Variants in SLIT3 observed in about 807,000 individuals in gnomAD.
SLIT3 encodes the protein slit homolog 3 protein.
Under a neutral mutation model 184.0 loss-of-function variants are expected in SLIT3, and 68 were observed. The observed-to-expected ratio is 0.37, with a 90% CI of 0.30 to 0.45. SLIT3 has a LOEUF of 0.45. Ranked by LOEUF, SLIT3 falls within the 20% of genes least tolerant of loss-of-function variation. The pLI is 1.00. For synonymous variants in SLIT3, 831 were observed against 828.6 expected, an observed-to-expected ratio of 1.00 and a Z score of -0.05; for missense variants, 1,707 against 2,026.0, an observed-to-expected ratio of 0.84 and a Z score of 3.02.
chr5:168,898,607 C>T (rs1467538521), intron 4 of SLIT3, among the ~76,000 whole-genome samples: 2 of 151,988 alleles, frequency 1.3e-5, no homozygotes, highest in South Asian at 2.1e-4. Flanking sequence ...TCAAATAAAT[C>T]GTGAAAAGGG....
chr5:169,217,166 C>A (rs900854422), intron 3 of SLIT3, among the ~76,000 whole-genome samples: 1 of 151,350 alleles, frequency 6.6e-6, no homozygotes, highest in African/African-American at 2.4e-5. Context: ...AGACTTTCTA[C>A]CCTTCCCCCA....
At chr5:169,201,696 C>G (rs753203996) in intron 3 of SLIT3, among the ~76,000 whole-genome samples, 3 of 152,138 alleles carry the variant, frequency 2.0e-5, no homozygotes, top group African/African-American at 7.2e-5. Context: ...GGTATGATAC[C>G]TTAGAGAACA....
chr5:168,904,345 A>G (rs1760972394), intron 4 of SLIT3, among the ~76,000 whole-genome samples: 1 of 152,188 alleles, frequency 6.6e-6, no homozygotes, highest in South Asian at 2.1e-4. Flanking sequence ...AATAAACCAA[A>G]TAGACTAATT....
intron 34 of SLIT3, 88 bp from the exon 35 acceptor site, chr5:168,670,079 G>A: frequency 9.1e-7 from 1 of 1,104,924 alleles, no homozygotes; most frequent in South Asian, 1.3e-5. Context: ...AGGGACCAGG[G>A]GACCCGGAGC....
chr5:168,779,211 C>A (rs944028086), intron 12 of SLIT3, among the ~76,000 whole-genome samples: 1 of 152,176 alleles, frequency 6.6e-6, no homozygotes. Context: ...TTTGGACTCA[C>A]GACATCATAG....
chr5:168,936,189 G>T (rs888761264), intron 4 of SLIT3, among the ~76,000 whole-genome samples: 1 of 152,140 alleles, frequency 6.6e-6, no homozygotes, highest in African/African-American at 2.4e-5. Flanking sequence ...CATCCACTGG[G>T]CCAAGACCAA....
intron 20 of SLIT3, among the ~76,000 whole-genome samples, chr5:168,732,229 C>A (rs989737757): frequency 6.6e-6 from 1 of 151,590 alleles, no homozygotes; most frequent in South Asian, 2.1e-4. Flanking sequence ...AAAACAAAAA[C>A]AAAACCCTAG....
rs528155993 is a variant in SLIT3, at chr5:168,666,013, C to A, written c.*441G>T. Reference sequence around the variant, plus strand: ...TCCTTTTTCTGATCTCAATGAGCAGCTCTTGGTCTACTGCCGACATAATAC... The same window carrying A: ...TCCTTTTTCTGATCTCAATGAGCAGATCTTGGTCTACTGCCGACATAATAC... On this transcript the variant is annotated 3_prime_UTR_variant, in exon 36 of 36. Transcript: ENST00000519560. 6.5e-6 allele frequency: 1 copy of A among 152,952 alleles called. No individual in the cohort carries two copies. Among genetic ancestry groups the A allele is most frequent in the South Asian group, 2.1e-4 (1 of 4,838 alleles). The allele number at this position is 152,952 out of a possible 1,614,324, so 9.5% of individuals were successfully genotyped here.
intron 4 of SLIT3, among the ~76,000 whole-genome samples, chr5:169,080,852 T>A (rs1339638593): frequency 6.6e-6 from 1 of 152,136 alleles, no homozygotes; most frequent in Non-Finnish European, 1.5e-5. Flanking sequence ...GAACCACTGC[T>A]CTGGAGAGCA....
chr5:168,913,504 A>G (rs1482198082), intron 4 of SLIT3, among the ~76,000 whole-genome samples: 1 of 152,186 alleles, frequency 6.6e-6, no homozygotes, highest in African/African-American at 2.4e-5. Flanking sequence ...ATAGTGGCTC[A>G]TGCCTGTAGT....
chr5:168,833,098 A>C (rs1209152859), intron 6 of SLIT3, among the ~76,000 whole-genome samples: 2 of 152,196 alleles, frequency 1.3e-5, no homozygotes, highest in African/African-American at 2.4e-5. Flanking sequence ...CTTGGGGACA[A>C]AGAGCCCTGA....
intron 14 of SLIT3, among the ~76,000 whole-genome samples, chr5:168,765,030 T>C (rs769043904): frequency 6.6e-6 from 1 of 152,168 alleles, no homozygotes; most frequent in Non-Finnish European, 1.5e-5. Flanking sequence ...TGCACACACA[T>C]ACAGAGATTT....
intron 4 of SLIT3, chr5:169,030,455 A>G (rs1275362434): frequency 6.6e-6 from 1 of 152,194 alleles, no homozygotes; most frequent in Non-Finnish European, 1.5e-5. Context: ...ATGGATGACA[A>G]GGTAGGTTCA....
intron 23 of SLIT3, among the ~76,000 whole-genome samples, chr5:168,716,142 AT>A (rs1026837221): frequency 6.6e-6 from 1 of 152,000 alleles, no homozygotes; most frequent in Non-Finnish European, 1.5e-5. Context: ...TAATTTTTGT[AT>A]TTTTTTAAAT....
At chr5:168,901,570 T>C (rs1760874968) in intron 4 of SLIT3, among the ~76,000 whole-genome samples, 1 of 152,310 alleles carries the variant, frequency 6.6e-6, no homozygotes, top group Middle Eastern at 3.4e-3. Context: ...AAAGGAAGCA[T>C]CTTTTTTTCA....
At chr5:168,750,954 T>A (rs551450579) in intron 18 of SLIT3, among the ~76,000 whole-genome samples, 15 of 151,356 alleles carry the variant, frequency 9.9e-5, no homozygotes, top group Admixed American at 9.9e-4. Flanking sequence ...TTTGTAATAT[T>A]AAGGGGCAGG....
chr5:168,682,000 A>G (rs1311620041), intron 32 of SLIT3, among the ~76,000 whole-genome samples: 1 of 152,210 alleles, frequency 6.6e-6, no homozygotes, highest in Non-Finnish European at 1.5e-5. Context: ...ACTTGTTCAC[A>G]TCTGGATTTA....
At chr5:168,870,173 T>C (rs186186103) in intron 5 of SLIT3, among the ~76,000 whole-genome samples, 92 of 152,388 alleles carry the variant, frequency 6.0e-4, no homozygotes, top group Middle Eastern at 3.4e-3. Flanking sequence ...AAGCAACTTA[T>C]TTATTCATCT....
intron 4 of SLIT3, among the ~76,000 whole-genome samples, chr5:168,986,385 G>A (rs1033884563): frequency 4.0e-5 from 6 of 151,478 alleles, no homozygotes; most frequent in Non-Finnish European, 5.9e-5. Context: ...GGACGGTGGC[G>A]CCCTTCTTAC....
Sources: allele counts gnomAD v4.1 joint callset (sites outside exome capture counted in the v4.1 genomes callset), GRCh38; gene constraint gnomAD v4.1.1; transcripts MANE v1.5; gene names NCBI Gene and HGNC (gene_info 2026-07-23, HGNC 2026-07-21).